Variants in DNAI2 observed in about 807,000 individuals in gnomAD.
DNAI2 encodes the protein dynein axonemal intermediate chain 2.
In DNAI2, 63 loss-of-function variants were observed where a neutral mutation model predicts 74.7. That is an observed-to-expected ratio of 0.84 (90% confidence interval 0.69 to 1.04). The LOEUF (loss-of-function observed/expected upper bound fraction) is 1.04, where lower values mean the gene tolerates loss of function less well. Ranked by LOEUF, DNAI2 falls within the 50% of genes least tolerant of loss-of-function variation. The pLI is 0.00. For missense variants in DNAI2, 688 were observed against 803.2 expected (o/e 0.86, Z 1.73); for synonymous variants, 289 against 314.9 (o/e 0.92, Z 0.87).
At chr17:74,304,186 C>CTTTTTTT (rs56696514) in intron 8 of DNAI2, among the ~76,000 whole-genome samples, 1,065 of 67,686 alleles carry the variant, frequency 0.016, 8 homozygotes, top group East Asian at 0.025. Context: ...TTTCTTTTTT[C>CTTTTTTT]TTTTTTTTTT....
intron 12 of DNAI2, among the ~76,000 whole-genome samples, chr17:74,313,114 G>A (rs1202557613): frequency 6.6e-6 from 1 of 152,238 alleles, no homozygotes; most frequent in Non-Finnish European, 1.5e-5. Context: ...GGGCCCTGCT[G>A]AGACAGGGTC....
chr17:74,303,057 T>C (rs993457982), intron 8 of DNAI2, among the ~76,000 whole-genome samples: 2 of 152,240 alleles, frequency 1.3e-5, no homozygotes, highest in African/African-American at 4.8e-5. Context: ...TGCCTGGCCC[T>C]TGCAGGGTGC....
At chr17:74,295,579 T>C (rs2052379431) in intron 6 of DNAI2, among the ~76,000 whole-genome samples, 1 of 152,160 alleles carries the variant, frequency 6.6e-6, no homozygotes, top group South Asian at 2.1e-4. Context: ...TTGGGGACAA[T>C]CTCTATTTAT....
rs893850903 is a variant in DNAI2, at chr17:74,300,307, G to A, written c.864+450G>A. Among the ~76,000 whole-genome samples, 2 of 152,128 alleles carry A rather than the reference G, an allele frequency of 1.3e-5. No homozygotes were observed. The highest frequency in any genetic ancestry group is 1.5e-5 in the Non-Finnish European group (1 of 68,024). ...ATGCCCACGGAACAGAATCTAAAGGGTGCAAAAAAGAAAATGCCTTCCTCT... is the reference window on the plus strand; with the variant it reads ...ATGCCCACGGAACAGAATCTAAAGGATGCAAAAAAGAAAATGCCTTCCTCT... On this transcript the variant is annotated intron_variant, in intron 7 of 13. Coordinates refer to ENST00000311014, the MANE Select transcript of DNAI2 (RefSeq NM_023036.6). The surrounding 1 kb of genome is among the most constrained non-coding windows in gnomAD (Gnocchi z 4.5).
chr17:74,298,216 C>T (rs1223418569), intron 6 of DNAI2, among the ~76,000 whole-genome samples: 1 of 152,288 alleles, frequency 6.6e-6, no homozygotes, highest in African/African-American at 2.4e-5. Context: ...AGAAGGGCCC[C>T]TCTAGGGCCA....
intron 3 of DNAI2, among the ~76,000 whole-genome samples, chr17:74,286,554 G>A (rs1212886113): frequency 6.6e-6 from 1 of 151,906 alleles, no homozygotes; most frequent in Non-Finnish European, 1.5e-5. Context: ...CCAAGTAGCT[G>A]GGATTACAGG....
chr17:74,286,688 G>C (rs1273838035), intron 3 of DNAI2, among the ~76,000 whole-genome samples: 1 of 152,180 alleles, frequency 6.6e-6, no homozygotes, highest in Non-Finnish European at 1.5e-5. Flanking sequence ...GCCTCCCAAA[G>C]TGCTGGGATT....
Position 74,299,816 on chromosome 17 carries a change from A to T in DNAI2, c.823A>T (p.Lys275Ter). ...PVYGTIWLQS[K>*]TGTECFSAST... ...GTATGGCACCATCTGGCTGCAGTCG[A>T]AGACGGGCACCGAGTGCTTCTCAGC... The change falls in exon 7 of 14, where the codon AAG becomes TAG. Residue 275 changes from lysine (K) to a stop codon, truncating the protein, a stop_gained. Transcript: ENST00000311014. LOFTEE classifies it high-confidence loss of function. 6.2e-7 allele frequency: 1 copy of T among 1,613,358 alleles called. No homozygotes were observed. Among genetic ancestry groups the T allele is most frequent in the Non-Finnish European group, 8.5e-7 (1 of 1,179,976 alleles).
At chr17:74,314,399 C>G in intron 13 of DNAI2, 128 bp downstream of exon 13, 4 of 1,241,222 alleles carry the variant, frequency 3.2e-6, no homozygotes, top group Non-Finnish European at 4.6e-6. Context: ...ACTCACTGGG[C>G]ACTGAGTCCT....
At chr17:74,292,924 G>A (rs1382052575) in intron 6 of DNAI2, among the ~76,000 whole-genome samples, 1 of 151,974 alleles carries the variant, frequency 6.6e-6, no homozygotes, top group Non-Finnish European at 1.5e-5. Flanking sequence ...CTGCCTCCTG[G>A]GTTCACGCCA....
At position 74,285,853 on chromosome 17, in the gene DNAI2, G is replaced by T. The variant is rs145544459; in HGVS notation, c.345+652G>T. Reference sequence around the variant, plus strand: ...CTGGAAGAAGTGGCAGGGCTTGGTTGTCCTTTGGTGGACATTTGCAATAAA... The same window carrying T: ...CTGGAAGAAGTGGCAGGGCTTGGTTTTCCTTTGGTGGACATTTGCAATAAA... On this transcript the variant is annotated intron_variant, in intron 3 of 13. Coordinates refer to ENST00000311014, the MANE Select transcript of DNAI2 (RefSeq NM_023036.6). Among the ~76,000 whole-genome samples the T allele has an allele frequency of 5.0e-4, 76 of 152,160 alleles. 1 individual carries two copies. The East Asian group carries it at 0.013, about 26-fold the overall frequency.
chr17:74,309,951 G>C, intron 10 of DNAI2, 66 bp from the exon 11 acceptor site: 1 of 1,600,252 alleles, frequency 6.2e-7, no homozygotes, highest in Non-Finnish European at 8.5e-7. Context: ...CCAGGGGCCA[G>C]TTAATCAGAC....
chr17:74,294,851 C>T (rs1476954117), intron 6 of DNAI2, among the ~76,000 whole-genome samples: 2 of 152,028 alleles, frequency 1.3e-5, no homozygotes, highest in African/African-American at 4.8e-5. Context: ...CCCTTTCTCT[C>T]TCTCCTCTCC....
At chr17:74,301,235 AT>A in intron 8 of DNAI2, 67 bp downstream of exon 8, 1 of 1,604,484 alleles carries the variant, frequency 6.2e-7, no homozygotes, top group Non-Finnish European at 8.5e-7. Flanking sequence ...AAGACAGGCC[AT>A]TGCTAGGATA....
At chr17:74,282,402 T>C (rs1214320002) in intron 2 of DNAI2, among the ~76,000 whole-genome samples, 1 of 152,020 alleles carries the variant, frequency 6.6e-6, no homozygotes, top group East Asian at 1.9e-4. Context: ...CTGAATTCAA[T>C]AGATCCTCCC....
intron 2 of DNAI2, among the ~76,000 whole-genome samples, chr17:74,284,716 A>G (rs2051605994): frequency 6.6e-6 from 1 of 152,094 alleles, no homozygotes; most frequent in African/African-American, 2.4e-5. Flanking sequence ...CCGGCCAATT[A>G]TTCACCTTTT....
chr17:74,309,462 T>C, intron 10 of DNAI2, 74 bp downstream of exon 10: 2 of 1,602,520 alleles, frequency 1.2e-6, no homozygotes, highest in South Asian at 1.1e-5. Context: ...GAGTGTGGGG[T>C]GCTGTGAGCA....
At chr17:74,295,586 T>C (rs2052379768) in intron 6 of DNAI2, among the ~76,000 whole-genome samples, 1 of 152,162 alleles carries the variant, frequency 6.6e-6, no homozygotes, top group Non-Finnish European at 1.5e-5. Context: ...CAATCTCTAT[T>C]TATTGCTTTT....
At position 74,310,710 on chromosome 17, in the gene DNAI2, T is replaced by G. The variant is rs867883100; in HGVS notation, c.1494+547T>G. 3.3e-5 allele frequency among the ~76,000 whole-genome samples: 5 copies of G among 151,458 alleles called. No individual in the cohort carries two copies. In the Middle Eastern group the frequency reaches 0.01, roughly 318 times the overall value. On this transcript the variant is annotated intron_variant, in intron 11 of 13. Coordinates refer to ENST00000311014, the MANE Select transcript of DNAI2 (RefSeq NM_023036.6). ...CATACCACCACGCCCAGCTAATTTTTGTATTTTTAATAGAGACAGGATCTC... is the reference window on the plus strand; with the variant it reads ...CATACCACCACGCCCAGCTAATTTTGGTATTTTTAATAGAGACAGGATCTC...
Sources: gnomAD v4.1 joint callset for allele counts (sites outside exome capture counted in the v4.1 genomes callset) on GRCh38, gnomAD v4.1.1 for gene constraint, Gnocchi (gnomAD v3.1) non-coding constraint, MANE v1.5 for transcripts, NCBI Gene and HGNC (gene_info 2026-07-23, HGNC 2026-07-21) for gene names.